GALNTL6: variants seen among roughly 807,000 people sequenced by gnomAD.
GALNTL6 encodes the protein polypeptide N-acetylgalactosaminyltransferase-like 6.
A neutral mutation model predicts 73.7 loss-of-function variants in GALNTL6; 46 were observed. The observed-to-expected ratio is 0.62, with a 90% CI of 0.49 to 0.80. The LOEUF is 0.80. Ranked by LOEUF, GALNTL6 falls within the 30% of genes least tolerant of loss-of-function variation. GALNTL6 has a pLI of 0.00. For synonymous variants in GALNTL6, 259 were observed against 263.7 expected (o/e 0.98, Z 0.17); for missense variants, 604 against 755.0 (o/e 0.80, Z 2.34).
intron 5 of GALNTL6, among the ~76,000 whole-genome samples, chr4:172,554,947 A>G (rs954030312): frequency 7.9e-5 from 12 of 152,190 alleles, no homozygotes; most frequent in African/African-American, 2.7e-4. Flanking sequence ...TTAGTAGGTA[A>G]CAGTTACCAA....
chr4:172,323,055 T>G (rs1740813176), intron 4 of GALNTL6, among the ~76,000 whole-genome samples: 1 of 152,222 alleles, frequency 6.6e-6, no homozygotes, highest in South Asian at 2.1e-4. Flanking sequence ...CCATGCTTCA[T>G]GAGCACATGG....
chr4:172,860,888 C>T (rs1459304840), intron 7 of GALNTL6, among the ~76,000 whole-genome samples: 1 of 152,094 alleles, frequency 6.6e-6, no homozygotes, highest in Non-Finnish European at 1.5e-5. Context: ...CAATCTTTCC[C>T]TGATAATTCT....
At chr4:172,985,771 AG>A (rs1751263281) in intron 10 of GALNTL6, among the ~76,000 whole-genome samples, 2 of 152,248 alleles carry the variant, frequency 1.3e-5, no homozygotes, top group East Asian at 3.9e-4. Flanking sequence ...TTACTGGTCT[AG>A]GTGGCACCAC....
intron 2 of GALNTL6, among the ~76,000 whole-genome samples, chr4:172,024,190 G>T (rs17057899): frequency 0.051 from 7,684 of 151,746 alleles, 404 homozygotes; most frequent in African/African-American, 0.13. Context: ...ATTGAACTTT[G>T]TTGTAGTTTA....
chr4:172,994,096 G>A (rs1261433994), intron 10 of GALNTL6, among the ~76,000 whole-genome samples: 1 of 152,156 alleles, frequency 6.6e-6, no homozygotes, highest in Non-Finnish European at 1.5e-5. Context: ...GCTTAAATGA[G>A]AAGCACGTAT....
At chr4:171,919,032 A>C (rs1052476784) in intron 2 of GALNTL6, among the ~76,000 whole-genome samples, 3 of 152,172 alleles carry the variant, frequency 2.0e-5, no homozygotes, top group African/African-American at 7.2e-5. Flanking sequence ...ATAAAGTTGC[A>C]GTCAAGCAAG....
intron 5 of GALNTL6, among the ~76,000 whole-genome samples, chr4:172,782,645 G>A (rs1739432741): frequency 1.3e-5 from 2 of 152,014 alleles, no homozygotes; most frequent in Admixed American, 1.3e-4. Flanking sequence ...AAAGAAAAGG[G>A]GAAAAGTAAA....
chr4:171,985,343 C>T (rs922561132), intron 2 of GALNTL6, among the ~76,000 whole-genome samples: 25 of 152,262 alleles, frequency 1.6e-4, no homozygotes, highest in African/African-American at 5.5e-4. Context: ...TAAAGCCAAC[C>T]GATCTCATGA....
chr4:172,671,917 G>C (rs1446173350), intron 5 of GALNTL6, among the ~76,000 whole-genome samples: 1 of 152,130 alleles, frequency 6.6e-6, no homozygotes, highest in Non-Finnish European at 1.5e-5. Context: ...TTTAGACAGA[G>C]TCTCACTCTG....
chr4:172,722,337 C>A (rs1286798701), intron 5 of GALNTL6, among the ~76,000 whole-genome samples: 1 of 152,100 alleles, frequency 6.6e-6, no homozygotes, highest in East Asian at 1.9e-4. Context: ...ATGACAAATA[C>A]ATGGTGATAA....
intron 5 of GALNTL6, among the ~76,000 whole-genome samples, chr4:172,372,292 G>A (rs796461258): frequency 3.9e-5 from 6 of 152,264 alleles, no homozygotes; most frequent in African/African-American, 1.4e-4. Context: ...GAGAAAAGTG[G>A]CAGGGTTGAG....
chr4:172,665,254 C>A (rs191578579), intron 5 of GALNTL6, among the ~76,000 whole-genome samples: 8 of 152,258 alleles, frequency 5.3e-5, no homozygotes, highest in African/African-American at 1.7e-4. Context: ...GGGCATGCTG[C>A]GGGCCTCTGC....
At chr4:172,339,805 C>T (rs562367701) in intron 4 of GALNTL6, among the ~76,000 whole-genome samples, 1 of 152,316 alleles carries the variant, frequency 6.6e-6, no homozygotes, top group East Asian at 1.9e-4. Context: ...TCACTTTTGA[C>T]AGCCAGATGC....
At chr4:172,906,899 C>T (rs1467485332) in intron 8 of GALNTL6, among the ~76,000 whole-genome samples, 1 of 152,212 alleles carries the variant, frequency 6.6e-6, no homozygotes, top group Non-Finnish European at 1.5e-5. Flanking sequence ...AGGAAAATTT[C>T]CCTTTTGATA....
intron 5 of GALNTL6, among the ~76,000 whole-genome samples, chr4:172,645,477 A>G (rs1039787365): frequency 6.6e-6 from 1 of 152,002 alleles, no homozygotes; most frequent in South Asian, 2.1e-4. Context: ...TTGCAGTGGC[A>G]CTTGTTTTAG....
At chr4:172,401,205 C>T in intron 5 of GALNTL6, among the ~76,000 whole-genome samples, 1 of 152,118 alleles carries the variant, frequency 6.6e-6, no homozygotes. Context: ...CATGCACACA[C>T]ATACACATAC....
chr4:172,627,146 T>A (rs1035815485), intron 5 of GALNTL6, among the ~76,000 whole-genome samples: 1 of 152,162 alleles, frequency 6.6e-6, no homozygotes, highest in Non-Finnish European at 1.5e-5. Flanking sequence ...CATAGATGAC[T>A]CATTATTCTG....
At chr4:172,330,053 T>G (rs1017545352) in intron 4 of GALNTL6, among the ~76,000 whole-genome samples, 46 of 152,298 alleles carry the variant, frequency 3.0e-4, no homozygotes, top group African/African-American at 1.0e-3. Context: ...TCCAAGCCAG[T>G]GAGTCTTATC....
chr4:172,516,699 A>T (rs2110805508), intron 5 of GALNTL6, among the ~76,000 whole-genome samples: 1 of 152,292 alleles, frequency 6.6e-6, no homozygotes, highest in African/African-American at 2.4e-5. Flanking sequence ...ATCCAAAAGA[A>T]TTGAAAGCAG....
Sources: allele counts gnomAD v4.1 joint callset (sites outside exome capture counted in the v4.1 genomes callset), GRCh38; gene constraint gnomAD v4.1.1; transcripts MANE v1.5; gene names NCBI Gene and HGNC (gene_info 2026-07-23, HGNC 2026-07-21).